HDLBP: variants seen among roughly 807,000 people sequenced by gnomAD.
The protein encoded by HDLBP is high density lipoprotein binding protein, also known as vigilin.
Under a neutral mutation model 137.3 loss-of-function variants are expected in HDLBP, and 30 were observed. The ratio of observed to expected loss-of-function variants is 0.22; its 90% CI spans 0.16 to 0.30. The LOEUF (loss-of-function observed/expected upper bound fraction) is 0.30, where lower values mean the gene tolerates loss of function less well. HDLBP is among the 10% of genes least tolerant of loss of function. HDLBP has a pLI of 1.00. For missense variants in HDLBP, 1,119 were observed against 1,667.3 expected (o/e 0.67, Z 5.73); for synonymous variants, 606 against 596.0 (o/e 1.02, Z -0.24).
At chr2:241,297,266 C>G (rs1336928724) in intron 1 of HDLBP, among the ~76,000 whole-genome samples, 1 of 152,024 alleles carries the variant, frequency 6.6e-6, no homozygotes, top group Non-Finnish European at 1.5e-5. Flanking sequence ...AGCGGGCATC[C>G]AAGCAGGAAG....
rs2074100497 is a variant in HDLBP at position 241,272,165 on chromosome 2, G to A, written c.-102-3624C>T. 8.1e-6 allele frequency: 8 copies of A among 985,070 alleles called. No homozygotes were observed. The highest frequency in any genetic ancestry group is 9.6e-6 in the Non-Finnish European group (8 of 829,730). The allele number at this position is 985,070 out of a possible 1,614,324, so 61.0% of individuals were successfully genotyped here. On this transcript the variant is annotated intron_variant, in intron 1 of 27. Transcript: ENST00000310931. This position sits in a 1 kb window ranked among gnomAD's most constrained non-coding sequence, Gnocchi z 5.6. ...AGCAGCTTTCCCCACCCCCGAACAC[G>A]TAGACTGACGCGGGCCCCGCGCGGC...
At chr2:241,237,805 T>C (rs1188711747) in intron 20 of HDLBP, among the ~76,000 whole-genome samples, 3 of 152,228 alleles carry the variant, frequency 2.0e-5, no homozygotes, top group Admixed American at 2.0e-4. Flanking sequence ...TGAAATTCTA[T>C]CAAAATCAAA....
chr2:241,244,303 C>A (rs2071500836), intron 16 of HDLBP, among the ~76,000 whole-genome samples: 2 of 152,148 alleles, frequency 1.3e-5, no homozygotes, highest in South Asian at 4.1e-4. Context: ...TCATAGTGAC[C>A]AAAAATTGTC....
intron 4 of HDLBP, among the ~76,000 whole-genome samples, chr2:241,263,850 CA>C (rs2149525678): frequency 6.6e-6 from 1 of 152,220 alleles, no homozygotes; most frequent in East Asian, 1.9e-4. Context: ...ACACTGCCTG[CA>C]AAACGACCAC....
chr2:241,271,072 T>C (rs1249105998), intron 1 of HDLBP: 5 of 985,412 alleles, frequency 5.1e-6, no homozygotes, highest in Non-Finnish European at 6.0e-6. Context: ...CTACAACTTC[T>C]TTCCCCTTTC....
intron 1 of HDLBP, chr2:241,280,134 C>T: frequency 1.4e-5 from 14 of 984,440 alleles, no homozygotes; most frequent in Non-Finnish European, 1.7e-5. Context: ...ATTTGCACTC[C>T]CATACTGAGT....
chr2:241,279,337 G>A (rs951697721), intron 1 of HDLBP, among the ~76,000 whole-genome samples: 28 of 152,090 alleles, frequency 1.8e-4, no homozygotes, highest in Admixed American at 1.5e-3. Context: ...ACACTGAATT[G>A]TAAAAAAAAT....
At chr2:241,313,198 C>A (rs1353233421) in intron 1 of HDLBP, among the ~76,000 whole-genome samples, 4 of 152,290 alleles carry the variant, frequency 2.6e-5, no homozygotes, top group Non-Finnish European at 5.9e-5. Context: ...ACTTATCACA[C>A]CATAATGTAA....
At chr2:241,280,061 T>C (rs2074539855) in intron 1 of HDLBP, 3 of 985,222 alleles carry the variant, frequency 3.0e-6, no homozygotes, top group Admixed American at 6.1e-5. Context: ...ACCACTTCCT[T>C]GGCAGCAGTG....
chr2:241,304,053 C>G (rs2075485985), intron 1 of HDLBP, among the ~76,000 whole-genome samples: 1 of 152,308 alleles, frequency 6.6e-6, no homozygotes, highest in Middle Eastern at 3.4e-3. Context: ...CTCCAGTGAT[C>G]CCCCTGCCTC....
chr2:241,256,280 G>C lies in HDLBP; in HGVS notation c.777C>G (p.Pro259=), dbSNP rs2072605873. The C allele has an allele frequency of 6.2e-7, 1 of 1,614,168 alleles. No individual in the cohort carries two copies. Among genetic ancestry groups the C allele is most frequent in the South Asian group, 1.1e-5 (1 of 91,086 alleles). Residue 259 remains proline (P), a synonymous_variant, in exon 7 of 28, where the codon CCC becomes CCG. Coordinates refer to ENST00000310931, the MANE Select transcript of HDLBP (RefSeq NM_005336.6). The part of the protein sequence containing the change: ...MQETGTRINI[P]PPSVNRTEIV... ...TCTCTGTCCGGTTCACGCTGGGTGG[G>C]GGGATGTTGATGCGCGTGCCTGTCT...
At chr2:241,312,981 A>C (rs1306025398) in intron 1 of HDLBP, among the ~76,000 whole-genome samples, 1 of 152,134 alleles carries the variant, frequency 6.6e-6, no homozygotes, top group African/African-American at 2.4e-5. Context: ...AGTATACCAA[A>C]TTCTAAACCT....
intron 1 of HDLBP, among the ~76,000 whole-genome samples, chr2:241,269,856 C>T (rs1188912873): frequency 6.6e-6 from 1 of 152,142 alleles, no homozygotes; most frequent in Non-Finnish European, 1.5e-5. Flanking sequence ...TCCAGTGACA[C>T]TTGCCTCTGG....
In HDLBP at chr2:241,249,843, T is replaced by C. The variant is rs1023568942; in HGVS notation, c.1510A>G (p.Met504Val). Residue 504 changes from methionine to valine, a missense_variant and splice_region_variant, in exon 12 of 28, where the codon ATG becomes GTG. Physicochemically the swap from Met to Val is conservative, Grantham distance 21. This residue lies in a region of HDLBP where 425 missense variants were observed against 693.9 expected (regional missense o/e 0.61). Coordinates refer to ENST00000310931, the MANE Select transcript of HDLBP (RefSeq NM_005336.6). ...GAGGGCCCAGCCATGGCACTTACCA[T>C]GCGAGATGCAAGCTCCAGCAGCTCT... ...KRELLELASR[M>V]ENERTKDLII... 1.9e-6 allele frequency: 3 copies of C among 1,602,616 alleles called. No homozygotes were observed. The highest frequency in any genetic ancestry group is 1.3e-5 in the African/African-American group (1 of 74,386).
intron 1 of HDLBP, among the ~76,000 whole-genome samples, chr2:241,298,045 C>CAAAA (rs71049568): frequency 8.5e-5 from 2 of 23,404 alleles, no homozygotes; most frequent in African/African-American, 2.6e-4. Context: ...GACCCTGTCT[C>CAAAA]AAAAAAAAAA....
intron 16 of HDLBP, among the ~76,000 whole-genome samples, chr2:241,244,386 A>T (rs1200080794): frequency 6.6e-6 from 1 of 152,230 alleles, no homozygotes; most frequent in Non-Finnish European, 1.5e-5. Context: ...CATGAAGAAA[A>T]CTACACAGAG....
intron 1 of HDLBP, among the ~76,000 whole-genome samples, chr2:241,288,271 G>A (rs897835651): frequency 6.6e-6 from 1 of 152,048 alleles, no homozygotes; most frequent in African/African-American, 2.4e-5. Flanking sequence ...ATTTCCTTTT[G>A]AGGAAGTGGT....
intron 5 of HDLBP, 103 bp from the exon 6 acceptor site, chr2:241,256,909 T>C (rs11693403): frequency 0.23 from 218,670 of 940,346 alleles, 27,393 homozygotes; most frequent in Non-Finnish European, 0.26. Context: ...TGCTTATTCC[T>C]GCCCAGCAGC....
chr2:241,304,482 A>T (rs2075503518), intron 1 of HDLBP, among the ~76,000 whole-genome samples: 1 of 152,256 alleles, frequency 6.6e-6, no homozygotes, highest in Non-Finnish European at 1.5e-5. Context: ...CCACAGATGG[A>T]CTTGGTCCCA....
Sources: allele counts gnomAD v4.1 joint callset (sites outside exome capture counted in the v4.1 genomes callset), GRCh38; gene constraint gnomAD v4.1.1; regional missense constraint gnomAD v4.1.1; non-coding constraint Gnocchi (gnomAD v3.1); transcripts MANE v1.5; gene names NCBI Gene and HGNC (gene_info 2026-07-23, HGNC 2026-07-21).